Variants in GABRA5 observed in about 807,000 individuals in gnomAD.
The protein encoded by GABRA5 is gamma-aminobutyric acid type A receptor subunit alpha5.
Under a neutral mutation model 47.3 loss-of-function variants are expected in GABRA5, and 18 were observed. The observed-to-expected ratio is 0.38, with a 90% CI of 0.26 to 0.56. GABRA5 has a LOEUF of 0.56. Ranked by LOEUF, GABRA5 falls within the 20% of genes least tolerant of loss-of-function variation. The pLI, the probability that GABRA5 is intolerant of heterozygous loss-of-function variation, is 0.71. For missense variants in GABRA5, 365 were observed against 599.3 expected (o/e 0.61, Z 4.08); for synonymous variants, 237 against 229.3 (o/e 1.03, Z -0.30).
At chr15:26,914,179 G>A (rs1297856197) in intron 6 of GABRA5, among the ~76,000 whole-genome samples, 1 of 152,078 alleles carries the variant, frequency 6.6e-6, no homozygotes, top group Non-Finnish European at 1.5e-5. Context: ...ATAATAATTA[G>A]GGTGTACCAG....
intron 8 of GABRA5, chr15:26,939,085 C>G: frequency 1.5e-6 from 1 of 658,112 alleles, no homozygotes; most frequent in Non-Finnish European, 2.7e-6. Context: ...ATCCACTCCT[C>G]GCAATTCAGC....
At chr15:26,934,265 A>G (rs1894181726) in intron 7 of GABRA5, among the ~76,000 whole-genome samples, 1 of 151,168 alleles carries the variant, frequency 6.6e-6, no homozygotes, top group Non-Finnish European at 1.5e-5. Context: ...AAAAAAAAAA[A>G]AAGAAAGAAA....
chr15:26,875,132 G>A (rs1422347180), intron 3 of GABRA5, among the ~76,000 whole-genome samples: 1 of 152,206 alleles, frequency 6.6e-6, no homozygotes, highest in Non-Finnish European at 1.5e-5. Context: ...AAATGCTCAA[G>A]CAAGCCCAGG....
intron 6 of GABRA5, among the ~76,000 whole-genome samples, chr15:26,909,487 G>C (rs1179013704): frequency 6.6e-6 from 1 of 152,176 alleles, no homozygotes; most frequent in Non-Finnish European, 1.5e-5. Context: ...ACACAACAAA[G>C]TTATTGTCTT....
intron 7 of GABRA5, among the ~76,000 whole-genome samples, chr15:26,925,976 A>G (rs1441785904): frequency 6.6e-6 from 1 of 152,178 alleles, no homozygotes; most frequent in East Asian, 1.9e-4. Context: ...GATGATGTAC[A>G]TCTGTATACA....
At chr15:26,891,988 T>C (rs1425698092) in intron 6 of GABRA5, among the ~76,000 whole-genome samples, 1 of 152,106 alleles carries the variant, frequency 6.6e-6, no homozygotes, top group Admixed American at 6.5e-5. Context: ...GCGCACCGGG[T>C]GGTGGAAAAT....
At chr15:26,940,160 G>A (rs1033956987) in intron 9 of GABRA5, 83 bp downstream of exon 9, 16 of 1,200,334 alleles carry the variant, frequency 1.3e-5, no homozygotes, top group Middle Eastern at 2.5e-4. Context: ...CAACCTCCAC[G>A]AAACTTCTAG....
intron 7 of GABRA5, among the ~76,000 whole-genome samples, chr15:26,916,751 A>G (rs982184900): frequency 2.6e-5 from 4 of 151,810 alleles, no homozygotes; most frequent in African/African-American, 9.7e-5. Flanking sequence ...TTATTTCATC[A>G]CTATTTTGTA....
In GABRA5 at chr15:26,907,717, CA is replaced by C. The variant is rs530621127; in HGVS notation, c.498-7083del. ...CCTGGCAGTGGCCTTTGGGTTCCGA[CA>C]AACTCTGATCCTGACTTACCAACGT... On this transcript the variant is annotated intron_variant, in intron 6 of 10. Transcript: ENST00000335625. Among the ~76,000 whole-genome samples, 135 of 152,302 alleles carry C rather than the reference CA, an allele frequency of 8.9e-4. 1 individual carries two copies. The highest frequency in any genetic ancestry group is 3.2e-3 in the African/African-American group (131 of 41,568).
intron 6 of GABRA5, 21 bp from the exon 7 acceptor site, chr15:26,914,782 T>A: frequency 6.3e-7 from 1 of 1,580,108 alleles, no homozygotes; most frequent in Admixed American, 1.7e-5. Context: ...CGTTCAAAGG[T>A]CTTCATCTTT....
chr15:26,917,938 CT>C (rs1411977792), intron 7 of GABRA5, among the ~76,000 whole-genome samples: 3 of 151,220 alleles, frequency 2.0e-5, no homozygotes, highest in East Asian at 3.9e-4. Context: ...TTTGACTTTT[CT>C]TTTTTTCTGA....
intron 9 of GABRA5, 33 bp from the exon 10 acceptor site, chr15:26,943,182 C>T (rs763006002): frequency 2.8e-5 from 42 of 1,520,800 alleles, no homozygotes; most frequent in South Asian, 3.6e-5. Flanking sequence ...CCCCTGTTTC[C>T]GTTTTTCACT....
chr15:26,893,723 G>A (rs376314708), intron 6 of GABRA5, among the ~76,000 whole-genome samples: 2 of 152,152 alleles, frequency 1.3e-5, no homozygotes, highest in East Asian at 3.9e-4. Flanking sequence ...AGTGGGCGAG[G>A]GGCTGAGTCT....
intron 6 of GABRA5, among the ~76,000 whole-genome samples, chr15:26,895,564 G>A (rs1893163271): frequency 6.6e-6 from 1 of 152,050 alleles, no homozygotes; most frequent in Non-Finnish European, 1.5e-5. Context: ...TGTAATCCCA[G>A]CACTTTGGGT....
chr15:26,939,688 C>T (rs1225858846), intron 8 of GABRA5: 11 of 595,574 alleles, frequency 1.8e-5, no homozygotes, highest in Non-Finnish European at 6.0e-6. Context: ...CTGATTTTCC[C>T]CAGGAAGAGC....
chr15:26,944,704 A>T (rs529771994), intron 10 of GABRA5, among the ~76,000 whole-genome samples: 1 of 152,178 alleles, frequency 6.6e-6, no homozygotes, highest in Non-Finnish European at 1.5e-5. Flanking sequence ...AGGAACGAGA[A>T]TGGAGTCTGG....
intron 8 of GABRA5, chr15:26,939,554 G>A (rs1894335881): frequency 1.6e-6 from 1 of 624,458 alleles, no homozygotes; most frequent in Non-Finnish European, 2.9e-6. Flanking sequence ...CCTCTGCAGG[G>A]CTCTGTGAAA....
At chr15:26,900,978 C>G (rs1182994433) in intron 6 of GABRA5, among the ~76,000 whole-genome samples, 1 of 152,170 alleles carries the variant, frequency 6.6e-6, no homozygotes, top group Non-Finnish European at 1.5e-5. Context: ...TTCAAACTGG[C>G]TCACTTCACT....
intron 7 of GABRA5, among the ~76,000 whole-genome samples, chr15:26,924,157 G>C (rs1284932376): frequency 1.8e-5 from 2 of 111,836 alleles, no homozygotes; most frequent in East Asian, 3.5e-4. Context: ...ATAATACAAG[G>C]CTTTTTTTTT....
Sources: allele counts gnomAD v4.1 joint callset (sites outside exome capture counted in the v4.1 genomes callset), GRCh38; gene constraint gnomAD v4.1.1; transcripts MANE v1.5; gene names NCBI Gene and HGNC (gene_info 2026-07-23, HGNC 2026-07-21).